CCDC3: variants seen among roughly 807,000 people sequenced by gnomAD.
CCDC3 encodes the protein coiled-coil domain containing 3.
Under a neutral mutation model 21.4 loss-of-function variants are expected in CCDC3, and 24 were observed. The observed-to-expected ratio is 1.12, with a 90% CI of 0.81 to 1.58. The LOEUF (loss-of-function observed/expected upper bound fraction) is 1.58. Ranked by LOEUF, CCDC3 falls within the 40% of genes most tolerant of loss-of-function variation. The pLI is 0.00. For synonymous variants in CCDC3, 186 were observed against 166.0 expected (o/e 1.12, Z -0.93); for missense variants, 425 against 360.9 (o/e 1.18, Z -1.44).
chr10:13,034,525 TAAAA>T (rs34324335), intron 5 of CCDC3, among the ~76,000 whole-genome samples: 3 of 142,740 alleles, frequency 2.1e-5, no homozygotes, highest in Non-Finnish European at 4.5e-5. Context: ...GCCTAGATCT[TAAAA>T]AAAAAAAAAA....
intron 2 of CCDC3, among the ~76,000 whole-genome samples, chr10:12,961,271 T>C (rs753011884): frequency 1.1e-4 from 16 of 152,188 alleles, no homozygotes; most frequent in Non-Finnish European, 1.3e-4. Context: ...CACAGGGTTA[T>C]TGTGAAAATC....
chr10:13,021,434 G>C (rs1836143479), intron 5 of CCDC3, among the ~76,000 whole-genome samples: 1 of 152,200 alleles, frequency 6.6e-6, no homozygotes, highest in South Asian at 2.1e-4. Flanking sequence ...ACATCTTGCA[G>C]CTTTTTCCAG....
At chr10:12,957,913 T>C (rs1835117984) in intron 2 of CCDC3, among the ~76,000 whole-genome samples, 1 of 152,176 alleles carries the variant, frequency 6.6e-6, no homozygotes, top group Non-Finnish European at 1.5e-5. Flanking sequence ...TGGCGTGATC[T>C]TGGCCTCCTG....
chr10:13,000,656 G>C (rs1290470548), intron 1 of CCDC3, among the ~76,000 whole-genome samples: 2 of 152,198 alleles, frequency 1.3e-5, no homozygotes, highest in South Asian at 2.1e-4. Context: ...AGAGGAGAGA[G>C]TGGACAGCTG....
At chr10:13,037,735 G>A (rs1836395695) in intron 5 of CCDC3, among the ~76,000 whole-genome samples, 1 of 152,194 alleles carries the variant, frequency 6.6e-6, no homozygotes, top group Non-Finnish European at 1.5e-5. Context: ...GCCAAGGTGG[G>A]AGGATTACCT....
At chr10:13,068,003 G>C (rs1306928055) in intron 4 of CCDC3, among the ~76,000 whole-genome samples, 2 of 151,988 alleles carry the variant, frequency 1.3e-5, no homozygotes, top group African/African-American at 2.4e-5. Context: ...TCTCCATTTT[G>C]CCTTGTCACT....
intron 2 of CCDC3, among the ~76,000 whole-genome samples, chr10:12,935,885 C>T (rs1834729578): frequency 6.6e-6 from 1 of 152,164 alleles, no homozygotes; most frequent in Admixed American, 6.5e-5. Context: ...GTACAAGTAC[C>T]TTATAATAAC....
At chr10:13,092,604 G>A (rs1832584208) in intron 3 of CCDC3, among the ~76,000 whole-genome samples, 1 of 152,226 alleles carries the variant, frequency 6.6e-6, no homozygotes. Flanking sequence ...TAACCCCCGT[G>A]TGACCTAAGG....
At chr10:13,041,079 T>A (rs754372955) in intron 5 of CCDC3, among the ~76,000 whole-genome samples, 1 of 152,108 alleles carries the variant, frequency 6.6e-6, no homozygotes, top group African/African-American at 2.4e-5. Flanking sequence ...ATTTTTCCAA[T>A]ATGTACGTCT....
intron 2 of CCDC3, among the ~76,000 whole-genome samples, chr10:12,947,878 T>G (rs1187137919): frequency 1.3e-5 from 2 of 152,242 alleles, no homozygotes; most frequent in Non-Finnish European, 2.9e-5. Flanking sequence ...CTGCTCTTAT[T>G]AGCATTGTCC....
upstream of CCDC3, among the ~76,000 whole-genome samples, chr10:13,003,583 C>T (rs1835891228): frequency 6.6e-6 from 1 of 152,138 alleles, no homozygotes; most frequent in African/African-American, 2.4e-5. Context: ...TGCAACTGAC[C>T]TAACATTAAT....
At chr10:13,055,435 T>G (rs1364572644) in intron 4 of CCDC3, among the ~76,000 whole-genome samples, 8 of 151,506 alleles carry the variant, frequency 5.3e-5, no homozygotes, top group Non-Finnish European at 8.8e-5. Context: ...GGGCTCAAAG[T>G]GATCTCATCT....
At chr10:12,956,071 C>A (rs920784379) in intron 2 of CCDC3, among the ~76,000 whole-genome samples, 10 of 151,976 alleles carry the variant, frequency 6.6e-5, no homozygotes, top group African/African-American at 2.4e-4. Context: ...AACTCCTGGG[C>A]TCAGGTGATC....
chr10:12,947,554 C>G (rs1834934128), intron 2 of CCDC3, among the ~76,000 whole-genome samples: 1 of 152,124 alleles, frequency 6.6e-6, no homozygotes, highest in Non-Finnish European at 1.5e-5. Flanking sequence ...ACTTTGTCAC[C>G]TCAGCTACAG....
At chr10:12,906,499 G>T (rs570631919) in intron 2 of CCDC3, among the ~76,000 whole-genome samples, 38 of 152,278 alleles carry the variant, frequency 2.5e-4, no homozygotes, top group Admixed American at 2.5e-3. Context: ...TGATGCTGCC[G>T]GGGGAGGAGG....
At position 12,944,158 on chromosome 10, in the gene CCDC3, C is replaced by T. The variant is rs573915031; in HGVS notation, c.550-45479G>A. On this transcript the variant is annotated intron_variant, in intron 2 of 2. Transcript: ENST00000378825. The stretch of plus-strand genomic sequence containing the variant: ...TTTACCCCAAAATATATTTCTTTGA[C>T]ATATTCCAAAATGGCCCTACAAAGC... Among the ~76,000 whole-genome samples the T allele has an allele frequency of 5.3e-5, 8 of 152,290 alleles. No individual in the cohort carries two copies. In the South Asian group the frequency reaches 1.7e-3, roughly 32 times the overall value.
At chr10:12,977,195 A>T (rs1431712848) in intron 2 of CCDC3, among the ~76,000 whole-genome samples, 1 of 152,098 alleles carries the variant, frequency 6.6e-6, no homozygotes, top group African/African-American at 2.4e-5. Context: ...GAATCGCTTG[A>T]ACCTGGGAGG....
intron 3 of CCDC3, among the ~76,000 whole-genome samples, chr10:13,096,260 C>T (rs562122849): frequency 1.3e-5 from 2 of 151,764 alleles, no homozygotes; most frequent in African/African-American, 2.4e-5. Context: ...CTTGGCTCAG[C>T]GCAACCTTTG....
intron 2 of CCDC3, among the ~76,000 whole-genome samples, chr10:12,943,364 G>A (rs1834864339): frequency 6.6e-6 from 1 of 152,222 alleles, no homozygotes; most frequent in Non-Finnish European, 1.5e-5. Context: ...TGATGGTGAT[G>A]AGGTAGCTAA....
Sources: allele counts gnomAD v4.1 joint callset (sites outside exome capture counted in the v4.1 genomes callset), GRCh38; gene constraint gnomAD v4.1.1; transcripts MANE v1.5; gene names NCBI Gene and HGNC (gene_info 2026-07-23, HGNC 2026-07-21).